Variants in DHRS9 observed in about 807,000 individuals in gnomAD.
The protein encoded by DHRS9 is dehydrogenase/reductase 9, also known as dehydrogenase/reductase SDR family member 9.
A neutral mutation model predicts 26.6 loss-of-function variants in DHRS9; 18 were observed. That is an observed-to-expected ratio of 0.68 (90% CI 0.47 to 1.00). The LOEUF is 1.00. Ranked by LOEUF, DHRS9 falls within the 50% of genes least tolerant of loss-of-function variation. The pLI, the probability that DHRS9 is intolerant of heterozygous loss-of-function variation, is 0.00. For synonymous variants in DHRS9, 134 were observed against 141.1 expected (o/e 0.95, Z 0.36); for missense variants, 425 against 378.7 (o/e 1.12, Z -1.01).
intron 1 of DHRS9, chr2:169,070,701 A>C (rs1683774755): frequency 1.0e-6 from 1 of 984,892 alleles, no homozygotes; most frequent in African/African-American, 1.7e-5. Flanking sequence ...ATATATTTCA[A>C]GAGTAGGAAA....
At chr2:169,090,302 A>G (rs1684482578) in intron 3 of DHRS9, among the ~76,000 whole-genome samples, 1 of 152,202 alleles carries the variant, frequency 6.6e-6, no homozygotes, top group South Asian at 2.1e-4. Context: ...TGGAGGGCGT[A>G]AGGCCACTTG....
At chr2:169,078,935 CCTGATTCTCCTG>C (rs1684055995) in intron 1 of DHRS9, among the ~76,000 whole-genome samples, 2 of 23,792 alleles carry the variant, frequency 8.4e-5, no homozygotes, top group African/African-American at 1.1e-3. Context: ...GATTCTCCTG[CCTGATTCTCCTG>C]CCTGATTCTC....
At chr2:169,075,501 T>C (rs763168151) in intron 1 of DHRS9, among the ~76,000 whole-genome samples, 2 of 152,176 alleles carry the variant, frequency 1.3e-5, no homozygotes, top group Non-Finnish European at 2.9e-5. Context: ...ACAGTATAAT[T>C]ATCAAAATTG....
chr2:169,078,294 T>C (rs1204310203), intron 1 of DHRS9, among the ~76,000 whole-genome samples: 4 of 152,180 alleles, frequency 2.6e-5, no homozygotes, highest in Non-Finnish European at 4.4e-5. Flanking sequence ...CCCTCGTGCA[T>C]GCCCCTGGTA....
Position 169,095,787 on chromosome 2 carries a change from C to A in DHRS9, c.*20C>A, listed in dbSNP as rs1304251376. 8 of 1,605,350 alleles carry A rather than the reference C, an allele frequency of 5.0e-6. No individual in the cohort carries two copies. The African/African-American group carries it at 1.1e-4, about 22-fold the overall frequency. ...GTGTGACTCAGCTAACCACAAATGT[C>A]TCCTCCAGGCTATGAAATTGGCCGA... is the stretch of plus-strand genomic sequence containing the variant. On this transcript the variant is annotated 3_prime_UTR_variant, in exon 5 of 5. Coordinates refer to ENST00000674881, the MANE Select transcript of DHRS9 (RefSeq NM_001376924.1).
chr2:169,093,971 CAT>C (rs1215331071), intron 4 of DHRS9, among the ~76,000 whole-genome samples: 1 of 152,180 alleles, frequency 6.6e-6, no homozygotes, highest in Non-Finnish European at 1.5e-5. Context: ...ATGTGAGAAT[CAT>C]ATGATAGCTC....
At chr2:169,086,784 G>C (rs575392854) in intron 3 of DHRS9, among the ~76,000 whole-genome samples, 252 of 152,264 alleles carry the variant, frequency 1.7e-3, no homozygotes, top group Non-Finnish European at 2.9e-3. Context: ...TCTTGGATAA[G>C]ATCCAGAAGA....
At chr2:169,077,247 A>G (rs1214792315) in intron 1 of DHRS9, among the ~76,000 whole-genome samples, 1 of 152,202 alleles carries the variant, frequency 6.6e-6, no homozygotes, top group Non-Finnish European at 1.5e-5. Flanking sequence ...TTTTTGGAGT[A>G]CGTCCTAGGA....
intron 4 of DHRS9, among the ~76,000 whole-genome samples, chr2:169,093,900 GA>G (rs1045280219): frequency 6.6e-6 from 1 of 151,860 alleles, no homozygotes; most frequent in Non-Finnish European, 1.5e-5. Context: ...GAAGTTGAAA[GA>G]AAGATCTAAC....
chr2:169,090,430 A>C (rs573971669), intron 3 of DHRS9, among the ~76,000 whole-genome samples: 1 of 152,230 alleles, frequency 6.6e-6, no homozygotes, highest in Non-Finnish European at 1.5e-5. Flanking sequence ...AAACAAAAGT[A>C]AGTTGGGAAA....
intron 1 of DHRS9, chr2:169,070,561 G>A (rs1381547911): frequency 2.0e-6 from 2 of 984,568 alleles, no homozygotes; most frequent in Non-Finnish European, 2.4e-6. Flanking sequence ...AATCTCCTTG[G>A]CTACACGCTG....
chr2:169,095,473 C>T (rs1684663863), intron 4 of DHRS9, 71 bp from the exon 5 acceptor site: 1 of 1,257,160 alleles, frequency 8.0e-7, no homozygotes, highest in Non-Finnish European at 1.2e-6. Flanking sequence ...CCATCCTCCC[C>T]TTTGCACCCT....
intron 3 of DHRS9, among the ~76,000 whole-genome samples, chr2:169,090,951 G>C (rs1278520257): frequency 3.3e-5 from 5 of 152,196 alleles, no homozygotes; most frequent in Non-Finnish European, 7.3e-5. Context: ...GCAGGGCACT[G>C]TGTGGCCAGA....
At chr2:169,070,061 A>G (rs1216751507) in intron 1 of DHRS9, 3 of 976,316 alleles carry the variant, frequency 3.1e-6, no homozygotes, top group Non-Finnish European at 2.4e-6. Flanking sequence ...TGGAGGGGGA[A>G]GTCTCCAAAA....
In DHRS9 at chr2:169,092,093, T is replaced by G; in HGVS notation, c.736+140T>G. The G allele has an allele frequency of 3.1e-6, 3 of 982,676 alleles. No individual in the cohort carries two copies. The East Asian group carries it at 8.0e-5, about 26-fold the overall frequency. 60.9% of individuals were successfully genotyped at this position (982,676 alleles called of 1,614,324 possible). A position where few individuals can be genotyped will look rare whatever the true frequency, so the allele number is the denominator to read the frequency against. Reference sequence around the variant, plus strand: ...TAACCATGGATCAGGGATCTCCTATTAATTTCAGTGTCATCTCTTGCTTCT... The same window carrying G: ...TAACCATGGATCAGGGATCTCCTATGAATTTCAGTGTCATCTCTTGCTTCT... On this transcript the variant is annotated intron_variant, in intron 4 of 4. Transcript: ENST00000674881.
At chr2:169,071,868 A>G (rs1455534001) in intron 1 of DHRS9, among the ~76,000 whole-genome samples, 3 of 152,182 alleles carry the variant, frequency 2.0e-5, no homozygotes, top group Admixed American at 2.0e-4. Flanking sequence ...CCTTGGTGCC[A>G]TTAAAAAATT....
intron 1 of DHRS9, chr2:169,072,600 A>G: frequency 1.0e-6 from 1 of 985,478 alleles, no homozygotes; most frequent in Non-Finnish European, 1.2e-6. Context: ...AAGAAAAAGA[A>G]AAGCAGAAGT....
At position 169,081,792 on chromosome 2, in the gene DHRS9, G is replaced by T. The variant is rs369209744; in HGVS notation, c.211G>T (p.Ala71Ser). The change falls in exon 2 of 5, where the codon GCA (alanine) becomes TCA (serine). Residue 71 changes from alanine (A) to serine (S), a missense_variant. Physicochemically the swap from Ala to Ser is moderately conservative, Grantham distance 99. Transcript: ENST00000674881. Reference protein sequence around the residue: ...LTESGSTALKAETSERLRTVL... With the variant: ...LTESGSTALKSETSERLRTVL... ...TGAATCAGGATCAACAGCTTTAAAG[G>T]CAGAAACCTCAGAGAGACTTCGTAC... 51 of 1,614,046 alleles carry T rather than the reference G, an allele frequency of 3.2e-5. No individual in the cohort carries two copies. Among genetic ancestry groups the T allele is most frequent in the Middle Eastern group, 1.6e-4 (1 of 6,084 alleles).
intron 4 of DHRS9, among the ~76,000 whole-genome samples, chr2:169,092,241 G>A (rs1335027766): frequency 6.6e-6 from 1 of 152,170 alleles, no homozygotes; most frequent in Admixed American, 6.5e-5. Context: ...AAAGTGAAAT[G>A]TCCTGCTCAA....
Sources: allele counts gnomAD v4.1 joint callset (sites outside exome capture counted in the v4.1 genomes callset), GRCh38; gene constraint gnomAD v4.1.1; transcripts MANE v1.5; gene names NCBI Gene and HGNC (gene_info 2026-07-23, HGNC 2026-07-21).